NPAS3: variants seen among roughly 807,000 people sequenced by gnomAD.
The protein encoded by NPAS3 is neuronal PAS domain protein 3, also known as neuronal PAS domain-containing protein 3.
A neutral mutation model predicts 73.1 loss-of-function variants in NPAS3; 14 were observed. The ratio of observed to expected loss-of-function variants is 0.19; its 90% confidence interval spans 0.13 to 0.30. NPAS3 has a LOEUF of 0.30. Among genes scored for constraint, NPAS3 ranks in the 10% least tolerant of loss-of-function variants. The probability of loss-of-function intolerance (pLI) is 1.00; values close to 1 mark genes in which losing one functional copy is unlikely to be tolerated. For missense variants in NPAS3, 1,096 were observed against 1,250.0 expected (o/e 0.88, Z 1.86); for synonymous variants, 620 against 541.5 (o/e 1.14, Z -2.01).
intron 5 of NPAS3, among the ~76,000 whole-genome samples, chr14:33,661,065 AAAG>A (rs2059291858): frequency 6.6e-6 from 1 of 150,670 alleles, no homozygotes; most frequent in African/African-American, 2.5e-5. Context: ...TTTTTTTTAA[AAAG>A]AAGCTTCAGT....
At chr14:33,616,892 G>C (rs1376742314) in intron 5 of NPAS3, among the ~76,000 whole-genome samples, 1 of 152,188 alleles carries the variant, frequency 6.6e-6, no homozygotes, top group Non-Finnish European at 1.5e-5. Flanking sequence ...GTCAAGTGAG[G>C]AAAAGAACTG....
At chr14:33,419,723 G>A (rs944924334) in intron 4 of NPAS3, among the ~76,000 whole-genome samples, 1 of 151,868 alleles carries the variant, frequency 6.6e-6, no homozygotes, top group Non-Finnish European at 1.5e-5. Context: ...AAGGAGCTAA[G>A]TATAACAATT....
chr14:33,648,375 GTCACTTTTTGAA>G, intron 5 of NPAS3, among the ~76,000 whole-genome samples: 1 of 152,118 alleles, frequency 6.6e-6, no homozygotes, highest in African/African-American at 2.4e-5. Context: ...TTCCAATTGT[GTCACTTTTTGAA>G]AATAACTTGG....
chr14:33,603,082 A>C (rs1435363056), intron 5 of NPAS3, among the ~76,000 whole-genome samples: 2 of 152,208 alleles, frequency 1.3e-5, no homozygotes, highest in Non-Finnish European at 2.9e-5. Context: ...GAAGTGACAT[A>C]TTAGAATTAG....
intron 9 of NPAS3, among the ~76,000 whole-genome samples, chr14:33,783,361 G>A (rs2063040706): frequency 6.6e-6 from 1 of 152,094 alleles, no homozygotes; most frequent in African/African-American, 2.4e-5. Flanking sequence ...CCTGGTCATT[G>A]GCTGGACTCT....
chr14:33,431,685 AT>A (rs1340397904), intron 4 of NPAS3, among the ~76,000 whole-genome samples: 1 of 152,182 alleles, frequency 6.6e-6, no homozygotes, highest in Non-Finnish European at 1.5e-5. Flanking sequence ...GAAATGATGT[AT>A]CCATTTATTA....
chr14:33,483,878 C>T (rs942098423), intron 4 of NPAS3, among the ~76,000 whole-genome samples: 12 of 152,284 alleles, frequency 7.9e-5, no homozygotes, highest in South Asian at 6.2e-4. Flanking sequence ...AGCAGAAATA[C>T]TGCCTTTCCC....
At chr14:33,407,290 C>T (rs530446510) in intron 4 of NPAS3, among the ~76,000 whole-genome samples, 28 of 152,198 alleles carry the variant, frequency 1.8e-4, no homozygotes, top group Admixed American at 1.6e-3. Flanking sequence ...ATATGAGAGC[C>T]TCTTTTCCAC....
At chr14:33,004,703 T>G (rs1264752982) in intron 1 of NPAS3, among the ~76,000 whole-genome samples, 1 of 152,010 alleles carries the variant, frequency 6.6e-6, no homozygotes, top group Non-Finnish European at 1.5e-5. Context: ...TTTTAAAAAC[T>G]TTTTGACTCT....
chr14:33,071,005 A>G (rs1392597576), intron 2 of NPAS3, among the ~76,000 whole-genome samples: 4 of 152,186 alleles, frequency 2.6e-5, no homozygotes, highest in Non-Finnish European at 5.9e-5. Context: ...TCTTATTAGT[A>G]TGTACTGAAA....
At chr14:33,661,290 G>GTTTTCATTAATATATGCCAGTCAGTCTT (rs1193370495) in intron 5 of NPAS3, among the ~76,000 whole-genome samples, 2 of 152,132 alleles carry the variant, frequency 1.3e-5, no homozygotes, top group Non-Finnish European at 2.9e-5. Flanking sequence ...AGAATCAGGT[G>GTTTTCATTAATATATGCCAGTCAGTCTT]TTTTCATTAA....
At chr14:33,794,161 G>C in intron 10 of NPAS3, 117 bp downstream of exon 10, 1 of 839,290 alleles carries the variant, frequency 1.2e-6, no homozygotes, top group South Asian at 1.8e-5. Flanking sequence ...TACCTGGTGT[G>C]GAATTTCATG....
intron 3 of NPAS3, among the ~76,000 whole-genome samples, chr14:33,255,513 C>T (rs2048745911): frequency 6.6e-6 from 1 of 152,096 alleles, no homozygotes; most frequent in Non-Finnish European, 1.5e-5. Context: ...CCTGTGAAAC[C>T]ACTTAAAGTG....
intron 3 of NPAS3, among the ~76,000 whole-genome samples, chr14:33,361,292 C>T (rs559454539): frequency 2.6e-5 from 4 of 152,128 alleles, no homozygotes; most frequent in South Asian, 2.1e-4. Context: ...ATTTGGTTGC[C>T]GTTTCACATT....
intron 1 of NPAS3, among the ~76,000 whole-genome samples, chr14:32,968,573 TA>T (rs1439569596): frequency 6.6e-6 from 1 of 152,194 alleles, no homozygotes; most frequent in East Asian, 1.9e-4. Flanking sequence ...AATCCAGTAA[TA>T]AAGTTTAATA....
intron 2 of NPAS3, among the ~76,000 whole-genome samples, chr14:33,060,975 G>A (rs934705087): frequency 3.9e-5 from 6 of 152,190 alleles, no homozygotes; most frequent in Admixed American, 1.3e-4. Context: ...GCCAAGAAGC[G>A]TGGATTTGGA....
intron 5 of NPAS3, among the ~76,000 whole-genome samples, chr14:33,610,736 A>G (rs547058527): frequency 3.6e-4 from 55 of 152,316 alleles, no homozygotes; most frequent in Non-Finnish European, 1.8e-4. Context: ...ATCAAACTTA[A>G]CTTCATTTGA....
chr14:33,082,081 G>A (rs112434290), intron 2 of NPAS3, among the ~76,000 whole-genome samples: 20 of 152,338 alleles, frequency 1.3e-4, no homozygotes, highest in African/African-American at 4.6e-4. Context: ...TATAAACACA[G>A]TTGGTTCTCA....
intron 3 of NPAS3, among the ~76,000 whole-genome samples, chr14:33,363,077 C>T (rs1032060353): frequency 6.6e-6 from 1 of 152,120 alleles, no homozygotes; most frequent in Non-Finnish European, 1.5e-5. Context: ...GTGTGTCCAC[C>T]GAGCTGTCCT....
Sources: gnomAD v4.1 joint callset for allele counts (sites outside exome capture counted in the v4.1 genomes callset) on GRCh38, gnomAD v4.1.1 for gene constraint, MANE v1.5 for transcripts, NCBI Gene and HGNC (gene_info 2026-07-23, HGNC 2026-07-21) for gene names.